Variants in CLMN observed in about 807,000 individuals in gnomAD.
The protein encoded by CLMN is calmin, also known as calmin (calponin-like, transmembrane).
A neutral mutation model predicts 92.7 loss-of-function variants in CLMN; 57 were observed. The ratio of observed to expected loss-of-function variants is 0.61; its 90% CI spans 0.50 to 0.77. The LOEUF is 0.77. Among genes scored for constraint, CLMN ranks in the 30% least tolerant of loss-of-function variants. The pLI, the probability that CLMN is intolerant of heterozygous loss-of-function variation, is 0.00. For synonymous variants in CLMN, 466 were observed against 470.6 expected, an observed-to-expected ratio of 0.99 and a Z score of 0.13; for missense variants, 1,158 against 1,237.5, an observed-to-expected ratio of 0.94 and a Z score of 0.96.
chr14:95,221,650 AG>A, intron 4 of CLMN, 40 bp downstream of exon 4: 2 of 1,559,688 alleles, frequency 1.3e-6, no homozygotes, highest in Non-Finnish European at 1.8e-6. Flanking sequence ...TTTTCCTAAC[AG>A]GACAAGCTTG....
intron 9 of CLMN, among the ~76,000 whole-genome samples, 166 bp from the exon 10 acceptor site, chr14:95,196,860 G>A (rs555872827): frequency 4.6e-5 from 7 of 152,294 alleles, no homozygotes; most frequent in Admixed American, 3.9e-4. Context: ...CTGCATGAGA[G>A]ACAAGTCCAC....
rs1901968083 is a variant in CLMN at position 95,319,800 on chromosome 14, G to A, written c.-8C>T. ...CCACTCGTGTGCAGCCATGAAGCGC[G>A]GGCGGGAGAGCCCGGGCCAGCGCGG... On this transcript the variant is annotated 5_prime_UTR_variant, in exon 1 of 13. Coordinates refer to ENST00000298912, the MANE Select transcript of CLMN (RefSeq NM_024734.4). The A allele has an allele frequency of 7.2e-6, 11 of 1,519,918 alleles. No individual in the cohort carries two copies. The East Asian group carries it at 2.5e-4, about 34-fold the overall frequency. 94.2% of individuals were successfully genotyped at this position (1,519,918 alleles called of 1,614,324 possible).
At chr14:95,200,001 C>T (rs1368047647) in intron 9 of CLMN, among the ~76,000 whole-genome samples, 1 of 151,874 alleles carries the variant, frequency 6.6e-6, no homozygotes, top group Non-Finnish European at 1.5e-5. Flanking sequence ...TAAGGTGAGA[C>T]TTGTGCTTTA....
Position 95,204,156 on chromosome 14 carries a change from A to T in CLMN, c.1193T>A (p.Ile398Asn), listed in dbSNP as rs1896973644. 2 of 1,614,058 alleles carry T rather than the reference A, an allele frequency of 1.2e-6. No individual in the cohort carries two copies. The highest frequency in any genetic ancestry group is 1.7e-6 in the Non-Finnish European group (2 of 1,180,034). The change falls in exon 9 of 13, where the codon ATC (isoleucine) becomes AAC (asparagine). Residue 398 changes from isoleucine to asparagine, a missense_variant. By Grantham distance (149) the Ile-to-Asn change is moderately radical (BLOSUM62 -3). Transcript: ENST00000298912. ...GGAGGATTCTGGAGATGGCTCACTGATGTCGCTGGTCTTACCTGGGCCCCC... is the reference window on the plus strand; with the variant it reads ...GGAGGATTCTGGAGATGGCTCACTGTTGTCGCTGGTCTTACCTGGGCCCCC... ...LQGGPGKTSD[I>N]SEPSPESSIL... is the part of the protein sequence containing the mutation.
intron 1 of CLMN, among the ~76,000 whole-genome samples, chr14:95,258,045 G>A (rs952972010): frequency 6.6e-6 from 1 of 151,906 alleles, no homozygotes; most frequent in African/African-American, 2.4e-5. Context: ...GTGCGAGTGT[G>A]CAGAATAGGT....
chr14:95,290,392 T>C (rs148374375), intron 1 of CLMN, among the ~76,000 whole-genome samples: 20 of 152,336 alleles, frequency 1.3e-4, no homozygotes, highest in African/African-American at 4.6e-4. Context: ...AGTTTTCCCG[T>C]AGTCTCAGGG....
At chr14:95,199,836 G>C (rs909403413) in intron 9 of CLMN, among the ~76,000 whole-genome samples, 19 of 152,158 alleles carry the variant, frequency 1.2e-4, no homozygotes, top group Non-Finnish European at 2.2e-4. Flanking sequence ...TGGAGGCAGA[G>C]GAGAGCCTGG....
chr14:95,191,805 C>T lies in CLMN; in HGVS notation c.2841-73G>A, dbSNP rs1200799487. 2.1e-6 allele frequency: 3 copies of T among 1,439,460 alleles called. No homozygotes were observed. The highest frequency in any genetic ancestry group is 1.4e-5 in the African/African-American group (1 of 70,470). The allele number at this position is 1,439,460 out of a possible 1,614,324, so 89.2% of individuals were successfully genotyped here. On this transcript the variant is annotated intron_variant, in intron 12 of 12. Coordinates refer to ENST00000298912, the MANE Select transcript of CLMN (RefSeq NM_024734.4). The surrounding 1 kb of genome is among the most constrained non-coding windows in gnomAD (Gnocchi z 5.3). The stretch of plus-strand genomic sequence containing the variant: ...GAAAGTGGACCCCACCCAGTGCTAC[C>T]CGTCTCTCCCCGGCCCCCACTCCCC...
intron 1 of CLMN, among the ~76,000 whole-genome samples, chr14:95,246,478 T>A (rs1392429869): frequency 6.6e-6 from 1 of 152,216 alleles, no homozygotes; most frequent in African/African-American, 2.4e-5. Context: ...AGTAACAAAC[T>A]ATTTTTTTGA....
At chr14:95,277,389 T>G (rs563200291) in intron 1 of CLMN, among the ~76,000 whole-genome samples, 1 of 152,356 alleles carries the variant, frequency 6.6e-6, no homozygotes, top group African/African-American at 2.4e-5. Flanking sequence ...TCATCTTGTT[T>G]TATGTCCTTG....
Position 95,204,311 on chromosome 14 carries a change from TG to T in CLMN, c.1037del (p.Pro346HisfsTer14), listed in dbSNP as rs1322357415. 6.2e-7 allele frequency: 1 copy of T among 1,613,396 alleles called. No homozygotes were observed. The highest frequency in any genetic ancestry group is 8.5e-7 in the Non-Finnish European group (1 of 1,179,926). ...YTVNHETSHP[P>X]PSKVFVCDKP... ...TGTCACAGACAAAGACTTTGGAGGG[TG>T]GTGGGTGGCTGGTTTCATGGTTAAC... On this transcript the variant is annotated frameshift_variant, in exon 9 of 13. Coordinates refer to ENST00000298912, the MANE Select transcript of CLMN (RefSeq NM_024734.4). LOFTEE classifies it high-confidence loss of function.
intron 9 of CLMN, among the ~76,000 whole-genome samples, chr14:95,200,623 C>T (rs566877131): frequency 5.9e-5 from 9 of 152,310 alleles, no homozygotes; most frequent in African/African-American, 2.2e-4. Context: ...CCCCATCAGG[C>T]CAGCCGCCCA....
At chr14:95,312,195 G>A (rs545104576) in intron 1 of CLMN, among the ~76,000 whole-genome samples, 5 of 152,136 alleles carry the variant, frequency 3.3e-5, no homozygotes, top group South Asian at 2.1e-4. Flanking sequence ...GTTCCTACAC[G>A]CTGATCTCAA....
At chr14:95,217,465 A>G (rs908467885) in intron 4 of CLMN, among the ~76,000 whole-genome samples, 1 of 152,212 alleles carries the variant, frequency 6.6e-6, no homozygotes, top group Non-Finnish European at 1.5e-5. Context: ...AAGTCAGACA[A>G]CACAGGCTCA....
intron 4 of CLMN, 112 bp from the exon 5 acceptor site, chr14:95,215,845 G>A: frequency 9.2e-6 from 6 of 649,184 alleles, no homozygotes; most frequent in Non-Finnish European, 1.6e-5. Flanking sequence ...GTGTGTGTGT[G>A]TGTGTGTGTG....
chr14:95,279,319 A>G (rs1019041098), intron 1 of CLMN, among the ~76,000 whole-genome samples: 3 of 152,250 alleles, frequency 2.0e-5, no homozygotes, highest in Non-Finnish European at 2.9e-5. Flanking sequence ...TTTAAGCTCT[A>G]AACTGCTTCT....
At position 95,215,713 on chromosome 14, in the gene CLMN, A is replaced by C; in HGVS notation, c.345T>G (p.Asp115Glu). 1 of 1,614,196 alleles carries C rather than the reference A, an allele frequency of 6.2e-7. No homozygotes were observed. Among genetic ancestry groups the C allele is most frequent in the South Asian group, 1.1e-5 (1 of 91,074 alleles). Residue 115 changes from aspartate (D) to glutamate (E), a missense_variant, in exon 5 of 13, where the codon GAT becomes GAG. Asp to Glu is a conservative substitution (Grantham distance 45). Transcript: ENST00000298912. ...EDSNVKLVSIDAAEIADGNPS... is the reference protein window; with the variant it reads ...EDSNVKLVSIEAAEIADGNPS... ...GGTTGCCATCTGCTATTTCTGCTGC[A>C]TCAATGCTAACCAGTTTTACCTGGA...
chr14:95,315,701 T>C (rs1226287587), intron 1 of CLMN, among the ~76,000 whole-genome samples: 1 of 152,116 alleles, frequency 6.6e-6, no homozygotes. Context: ...AAAGTCCAGG[T>C]CCAGAATTAC....
At chr14:95,209,776 T>TG (rs1897143228) in intron 7 of CLMN, among the ~76,000 whole-genome samples, 1 of 152,222 alleles carries the variant, frequency 6.6e-6, no homozygotes, top group South Asian at 2.1e-4. Flanking sequence ...GCTGGCTCCA[T>TG]GGGCAAGGAC....
Sources: allele counts gnomAD v4.1 joint callset (sites outside exome capture counted in the v4.1 genomes callset), GRCh38; gene constraint gnomAD v4.1.1; non-coding constraint Gnocchi (gnomAD v3.1); transcripts MANE v1.5; gene names NCBI Gene and HGNC (gene_info 2026-07-23, HGNC 2026-07-21).